KRT27: variants seen among roughly 807,000 people sequenced by gnomAD.
KRT27 encodes keratin, type I cytoskeletal 27.
In KRT27, 30 loss-of-function variants were observed where a neutral mutation model predicts 45.3. The observed-to-expected ratio is 0.66, with a 90% CI of 0.50 to 0.90. The LOEUF (loss-of-function observed/expected upper bound fraction) is 0.90, where lower values mean the gene tolerates loss of function less well. Ranked by LOEUF, KRT27 falls within the 40% of genes least tolerant of loss-of-function variation. KRT27 has a pLI of 0.00. For synonymous variants in KRT27, 204 were observed against 223.9 expected (o/e 0.91, Z 0.79); for missense variants, 610 against 564.3 (o/e 1.08, Z -0.82).
At chr17:40,781,162 TCCCA>T in intron 2 of KRT27, 22 bp downstream of exon 2, 3 of 1,494,992 alleles carry the variant, frequency 2.0e-6, no homozygotes, top group Admixed American at 1.9e-5. Context: ...AACTTTTTTT[TCCCA>T]TTTATCTTCA....
chr17:40,777,368 T>G, intron 6 of KRT27, 66 bp from the exon 7 acceptor site: 1 of 1,562,674 alleles, frequency 6.4e-7, no homozygotes, highest in East Asian at 2.2e-5. Context: ...AAATAATGAT[T>G]TAAGGTGGGA....
intron 5 of KRT27, among the ~76,000 whole-genome samples, chr17:40,778,779 T>C (rs577610996): frequency 6.6e-6 from 1 of 152,302 alleles, no homozygotes; most frequent in East Asian, 1.9e-4. Context: ...AAAGGAATGC[T>C]AGATGAAGCT....
intron 2 of KRT27, 91 bp from the exon 3 acceptor site, chr17:40,780,547 G>T: frequency 1.7e-6 from 2 of 1,198,020 alleles, no homozygotes; most frequent in South Asian, 2.7e-5. Flanking sequence ...AAGCTTTGAG[G>T]TAAAACTACT....
At position 40,776,991 on chromosome 17, in the gene KRT27, G is replaced by A. The variant is rs746780745; in HGVS notation, c.*8C>T. On this transcript the variant is annotated 3_prime_UTR_variant, in exon 8 of 8. Transcript: ENST00000301656. ...ATTTGGGGGCCATTCTGTCTCAGAG[G>A]CTGGAGTTCAGGAAGACACCCTCTG... The A allele has an allele frequency of 1.3e-6, 2 of 1,599,284 alleles. No homozygotes were observed. Among genetic ancestry groups the A allele is most frequent in the Admixed American group, 3.4e-5 (2 of 59,398 alleles).
chr17:40,779,484 T>C lies in KRT27; in HGVS notation c.972+18A>G. 2 of 1,589,120 alleles carry C rather than the reference T, an allele frequency of 1.3e-6. No individual in the cohort carries two copies. Among genetic ancestry groups the C allele is most frequent in the African/African-American group, 2.7e-5 (2 of 73,864 alleles). ...TCTCAATTTCTAAAGCAAATCTGTT[T>C]TGTAACTTTTCGCTTACCGTTGCTA... On this transcript the variant is annotated intron_variant, in intron 5 of 7. Transcript: ENST00000301656.
Position 40,777,153 on chromosome 17 carries a change from A to T in KRT27, c.1241-15T>A. ...TTTAGATGAATCTAAAATGCCACAT[A>T]TAAACTGTTTAGAATTTATCAAATT... is the stretch of plus-strand genomic sequence containing the variant. On this transcript the variant is annotated splice_polypyrimidine_tract_variant and intron_variant, in intron 7 of 7. Transcript: ENST00000301656. 6.2e-7 allele frequency: 1 copy of T among 1,613,064 alleles called. No homozygotes were observed. The highest frequency in any genetic ancestry group is 8.5e-7 in the Non-Finnish European group (1 of 1,179,418).
In KRT27 at chr17:40,782,256, G is replaced by A; in HGVS notation, c.238C>T (p.Leu80Phe). 1 of 1,614,218 alleles carries A rather than the reference G, an allele frequency of 6.2e-7. No homozygotes were observed. The highest frequency in any genetic ancestry group is 1.3e-5 in the African/African-American group (1 of 75,058). The change falls in exon 1 of 8, where the codon CTC (leucine) becomes TTC (phenylalanine). Residue 80 changes from leucine (L) to phenylalanine (F), a missense_variant. Coordinates refer to ENST00000301656, the MANE Select transcript of KRT27 (RefSeq NM_181537.4). ...AAFTGNEHGL[L>F]SGNEKVTMQN... ...ATGGTCACCTTCTCATTGCCAGAGA[G>A]GAGGCCGTGCTCATTCCCTGTGAAG...
rs772444262 is a variant in KRT27, at chr17:40,782,152, CT to C, written c.341del (p.Gln114ArgfsTer36). 2 of 1,614,118 alleles carry C rather than the reference CT, an allele frequency of 1.2e-6. No individual in the cohort carries two copies. Among genetic ancestry groups the C allele is most frequent in the African/African-American group, 1.3e-5 (1 of 74,940 alleles). ...ALEEANADLEQKIKGWYEKFG... is the reference protein window; with the variant it reads ...ALEEANADLEXKIKGWYEKFG... ...ATTTCTCATACCACCCCTTGATCTT[CT>C]GCTCCAAGTCAGCGTTGGCCTCCTC... On this transcript the variant is annotated frameshift_variant, in exon 1 of 8. Coordinates refer to ENST00000301656, the MANE Select transcript of KRT27 (RefSeq NM_181537.4). LOFTEE classifies it high-confidence loss of function.
chr17:40,780,582 C>T (rs541796032), intron 2 of KRT27, 126 bp from the exon 3 acceptor site: 147 of 869,562 alleles, frequency 1.7e-4, no homozygotes, highest in South Asian at 1.6e-3. Flanking sequence ...AACTTCAGGC[C>T]GGGCGCGGTG....
At chr17:40,781,154 C>CTT (rs146092952) in intron 2 of KRT27, 34 bp downstream of exon 2, 3 of 1,417,588 alleles carry the variant, frequency 2.1e-6, no homozygotes, top group African/African-American at 2.9e-5. Context: ...GCTTAGACAA[C>CTT]TTTTTTTTCC....
Position 40,781,283 on chromosome 17 carries a change from A to G in KRT27, c.445-13T>C, listed in dbSNP as rs1398389254. ...TTGCAGAAATTATCTGACAAATGAA[A>G]AGTTAGTTAAGATTGAGGAAATATT... On this transcript the variant is annotated splice_polypyrimidine_tract_variant and intron_variant, in intron 1 of 7. Coordinates refer to ENST00000301656, the MANE Select transcript of KRT27 (RefSeq NM_181537.4). The G allele has an allele frequency of 3.3e-6, 5 of 1,521,288 alleles. No homozygotes were observed. The highest frequency in any genetic ancestry group is 1.7e-5 in the Admixed American group (1 of 58,290). 94.2% of individuals were successfully genotyped at this position (1,521,288 alleles called of 1,614,324 possible). A position where few individuals can be genotyped will look rare whatever the true frequency, so the allele number is the denominator to read the frequency against.
chr17:40,780,754 C>A (rs1245499695), intron 2 of KRT27, among the ~76,000 whole-genome samples: 1 of 152,096 alleles, frequency 6.6e-6, no homozygotes, highest in East Asian at 1.9e-4. Flanking sequence ...GAGGCTGAGG[C>A]GGGAGAATGG....
At position 40,780,417 on chromosome 17, in the gene KRT27, C is replaced by T. The variant is rs769051749; in HGVS notation, c.567G>A (p.Ala189=). The T allele has an allele frequency of 1.1e-5, 17 of 1,613,636 alleles. No individual in the cohort carries two copies. In the East Asian group the frequency reaches 2.2e-4, roughly 21 times the overall value. ...GGACTCTTCGCAAACCATTGATGTC[C>T]GCCTCCACGCTCTGGTGAAGCGCTA... ...NELALHQSVE[A]DINGLRRVLD... Residue 189 remains alanine, a synonymous_variant, in exon 3 of 8, where the codon GCG becomes GCA. Coordinates refer to ENST00000301656, the MANE Select transcript of KRT27 (RefSeq NM_181537.4).
chr17:40,777,517 ATCT>A lies in KRT27; in HGVS notation c.1185_1187del (p.Glu395del), dbSNP rs2038275884. On this transcript the variant is annotated inframe_deletion, in exon 6 of 8. Transcript: ENST00000301656. Reference sequence around the variant, plus strand: ...TTCTCAATGGCGGCAATACTGACCCATCTTCTCCATCTATCAGGAGGCAGTAGG... The same window carrying A: ...TTCTCAATGGCGGCAATACTGACCCATCTCCATCTATCAGGAGGCAGTAGG... 1.9e-6 allele frequency: 3 copies of A among 1,613,794 alleles called. No individual in the cohort carries two copies. The highest frequency in any genetic ancestry group is 2.5e-6 in the Non-Finnish European group (3 of 1,179,814).
In KRT27 at chr17:40,776,996, A is replaced by T; in HGVS notation, c.*3T>A. Reference sequence around the variant, plus strand: ...GGGGCCATTCTGTCTCAGAGGCTGGAGTTCAGGAAGACACCCTCTGTTCAT... The same window carrying T: ...GGGGCCATTCTGTCTCAGAGGCTGGTGTTCAGGAAGACACCCTCTGTTCAT... On this transcript the variant is annotated 3_prime_UTR_variant, in exon 8 of 8. Coordinates refer to ENST00000301656, the MANE Select transcript of KRT27 (RefSeq NM_181537.4). 6.3e-7 allele frequency: 1 copy of T among 1,599,552 alleles called. No homozygotes were observed. The highest frequency in any genetic ancestry group is 8.6e-7 in the Non-Finnish European group (1 of 1,169,330).
Position 40,782,435 on chromosome 17 carries a change from G to C in KRT27, c.59C>G (p.Ser20Cys), listed in dbSNP as rs867526286. 3 of 1,610,118 alleles carry C rather than the reference G, an allele frequency of 1.9e-6. No homozygotes were observed. The highest frequency in any genetic ancestry group is 2.5e-6 in the Non-Finnish European group (3 of 1,178,164). Residue 20 changes from serine to cysteine, a missense_variant, in exon 1 of 8, where the codon TCT (serine) becomes TGT (cysteine). Transcript: ENST00000301656. The part of the protein sequence containing the change: ...RRLGSCGGTG[S>C]VRLSSGGAGF... Reference sequence around the variant, plus strand: ...TGCTCCCCCACTAGAGAGCCTCACAGAGCCAGTGCCCCCGCAAGAGCCAAG... The same window carrying C: ...TGCTCCCCCACTAGAGAGCCTCACACAGCCAGTGCCCCCGCAAGAGCCAAG...
rs556835000 is a variant in KRT27 at position 40,782,387 on chromosome 17, C to T, written c.107G>A (p.Cys36Tyr). The change falls in exon 1 of 8, where the codon TGC (cysteine) becomes TAC (tyrosine). Residue 36 changes from cysteine to tyrosine, a missense_variant. Physicochemically the swap from Cys to Tyr is radical, Grantham distance 194. Transcript: ENST00000301656. ...GGAGFGAGNT[C>Y]GVPGIGSGFS... Reference sequence around the variant, plus strand: ...GCCACTTCCAATGCCTGGCACACCGCATGTGTTTCCAGCCCCAAAGCCTGC... The same window carrying T: ...GCCACTTCCAATGCCTGGCACACCGTATGTGTTTCCAGCCCCAAAGCCTGC... The T allele has an allele frequency of 1.2e-6, 2 of 1,614,138 alleles. No homozygotes were observed. Among genetic ancestry groups the T allele is most frequent in the South Asian group, 2.2e-5 (2 of 91,070 alleles).
intron 5 of KRT27, among the ~76,000 whole-genome samples, chr17:40,778,349 C>T (rs1010829417): frequency 7.9e-5 from 12 of 152,196 alleles, no homozygotes; most frequent in African/African-American, 2.9e-4. Flanking sequence ...TATCCTTTCA[C>T]CTGCAAGTAT....
intron 3 of KRT27, 31 bp from the exon 4 acceptor site, chr17:40,779,892 T>C: frequency 6.3e-7 from 1 of 1,584,254 alleles, no homozygotes; most frequent in Non-Finnish European, 8.6e-7. Flanking sequence ...GGAATTAGGA[T>C]CTGAATATTT....
Sources: allele counts gnomAD v4.1 joint callset (sites outside exome capture counted in the v4.1 genomes callset), GRCh38; gene constraint gnomAD v4.1.1; transcripts MANE v1.5; gene names NCBI Gene and HGNC (gene_info 2026-07-23, HGNC 2026-07-21).